SPRED2: variants seen among roughly 807,000 people sequenced by gnomAD.
SPRED2 encodes the protein sprouty related EVH1 domain containing 2.
In SPRED2, 47 loss-of-function variants were observed where a neutral mutation model predicts 43.0. The ratio of observed to expected loss-of-function variants is 1.09; its 90% confidence interval spans 0.87 to 1.40. The LOEUF is 1.40. Ranked by LOEUF, SPRED2 falls within the 40% of genes most tolerant of loss-of-function variation. The pLI, the probability that SPRED2 is intolerant of heterozygous loss-of-function variation, is 0.00. For missense variants in SPRED2, 561 were observed against 586.4 expected, an observed-to-expected ratio of 0.96 and a Z score of 0.45; for synonymous variants, 225 against 225.7, an observed-to-expected ratio of 1.00 and a Z score of 0.03.
chr2:65,332,544 G>T (rs369003922), intron 3 of SPRED2, among the ~76,000 whole-genome samples: 1 of 152,186 alleles, frequency 6.6e-6, no homozygotes, highest in East Asian at 1.9e-4. Context: ...TAGCTTGTAT[G>T]GTTGTGTCCA....
chr2:65,333,407 A>G (rs1673873616), intron 3 of SPRED2, among the ~76,000 whole-genome samples: 1 of 151,610 alleles, frequency 6.6e-6, no homozygotes, highest in Non-Finnish European at 1.5e-5. Context: ...GTTCTGTGCA[A>G]CTCCTACTGG....
chr2:65,377,379 G>A lies in SPRED2; in HGVS notation c.27-32483C>T, dbSNP rs377081166. Among the ~76,000 whole-genome samples, 17 of 152,276 alleles carry A rather than the reference G, an allele frequency of 1.1e-4. No homozygotes were observed. In the East Asian group the frequency reaches 1.9e-3, roughly 17 times the overall value. ...GGTCAGGATAATGAATGATGCATAC[G>A]TGGTAGCACTGGATTGGTATTTGTG... On this transcript the variant is annotated intron_variant, in intron 1 of 5. Transcript: ENST00000356388.
At chr2:65,400,182 CTTAAATAG>C (rs1461587756) in intron 1 of SPRED2, among the ~76,000 whole-genome samples, 5 of 152,138 alleles carry the variant, frequency 3.3e-5, no homozygotes, top group South Asian at 4.1e-4. Flanking sequence ...CTCAATCCTT[CTTAAATAG>C]TTATATGACA....
chr2:65,315,946 C>A (rs538494376), intron 5 of SPRED2, among the ~76,000 whole-genome samples: 69 of 152,372 alleles, frequency 4.5e-4, no homozygotes, highest in African/African-American at 1.5e-3. Flanking sequence ...GCATGAGCCA[C>A]TGCACCTGGC....
intron 1 of SPRED2, among the ~76,000 whole-genome samples, chr2:65,430,723 T>C (rs1572911899): frequency 6.6e-6 from 1 of 152,028 alleles, no homozygotes; most frequent in Non-Finnish European, 1.5e-5. Context: ...GCCAACCAGC[T>C]CTTTGCGCCC....
chr2:65,432,105 G>A lies in SPRED2; in HGVS notation c.-118C>T, dbSNP rs1668880428. On this transcript the variant is annotated 5_prime_UTR_variant, in exon 1 of 6. Coordinates refer to ENST00000356388, the MANE Select transcript of SPRED2 (RefSeq NM_181784.3). ...ATCGCCTGATTTGGGGAGGGGGGGC[G>A]GCTAGAGATGAAGAGGGCGCCGCAG... 1 of 1,349,444 alleles carries A rather than the reference G, an allele frequency of 7.4e-7. No individual in the cohort carries two copies. The highest frequency in any genetic ancestry group is 1.4e-5 in the African/African-American group (1 of 69,692). The allele number at this position is 1,349,444 out of a possible 1,614,324, so 83.6% of individuals were successfully genotyped here. A position where few individuals can be genotyped will look rare whatever the true frequency, so the allele number is the denominator to read the frequency against.
chr2:65,419,603 GTGTGTGTGTGTGTGTT>G (rs935555090), intron 1 of SPRED2, among the ~76,000 whole-genome samples: 5 of 151,486 alleles, frequency 3.3e-5, no homozygotes, highest in African/African-American at 9.7e-5. Context: ...GTGTGTGTGT[GTGTGTGTGTGTGTGTT>G]TATTAACTGT....
intron 1 of SPRED2, among the ~76,000 whole-genome samples, chr2:65,400,630 G>T (rs1675864376): frequency 6.6e-6 from 1 of 152,088 alleles, no homozygotes; most frequent in Non-Finnish European, 1.5e-5. Flanking sequence ...TGGGGTATGG[G>T]GGTTCTTCCC....
chr2:65,338,823 G>T (rs1415317925), intron 2 of SPRED2, among the ~76,000 whole-genome samples: 2 of 151,708 alleles, frequency 1.3e-5, no homozygotes, highest in African/African-American at 4.8e-5. Flanking sequence ...GAGCGTCTCT[G>T]CCCGGCCGCC....
At chr2:65,344,035 T>C (rs1028374313) in intron 2 of SPRED2, among the ~76,000 whole-genome samples, 3 of 149,270 alleles carry the variant, frequency 2.0e-5, no homozygotes, top group Admixed American at 6.8e-5. Context: ...TAGTCCCAGC[T>C]ACTCAGCAGG....
At chr2:65,335,002 T>G (rs894425545) in intron 2 of SPRED2, among the ~76,000 whole-genome samples, 3 of 152,218 alleles carry the variant, frequency 2.0e-5, no homozygotes, top group African/African-American at 7.2e-5. Flanking sequence ...CACTACACTC[T>G]CTTCATCACG....
intron 2 of SPRED2, among the ~76,000 whole-genome samples, chr2:65,339,214 T>C (rs1197470864): frequency 1.3e-5 from 2 of 150,382 alleles, no homozygotes; most frequent in Admixed American, 1.3e-4. Flanking sequence ...CACCACCCCG[T>C]CTGGGAGGTG....
At chr2:65,332,972 G>A (rs897297194) in intron 3 of SPRED2, among the ~76,000 whole-genome samples, 2 of 152,100 alleles carry the variant, frequency 1.3e-5, no homozygotes, top group Admixed American at 1.3e-4. Flanking sequence ...TATGCATTTA[G>A]AAAATATTTT....
chr2:65,391,195 TACACACACACACACAC>T (rs70943648), intron 1 of SPRED2, among the ~76,000 whole-genome samples: 8 of 145,640 alleles, frequency 5.5e-5, no homozygotes, highest in African/African-American at 1.8e-4. Flanking sequence ...CCTTAATGTG[TACACACACACACACAC>T]ACACACACAC....
At chr2:65,320,447 C>T (rs990067575) in intron 4 of SPRED2, among the ~76,000 whole-genome samples, 3 of 152,240 alleles carry the variant, frequency 2.0e-5, no homozygotes, top group African/African-American at 7.2e-5. Context: ...CATCCCACCT[C>T]CCCAGCCCTC....
chr2:65,419,434 T>G (rs1676366409), intron 1 of SPRED2, among the ~76,000 whole-genome samples: 1 of 152,194 alleles, frequency 6.6e-6, no homozygotes, highest in Non-Finnish European at 1.5e-5. Flanking sequence ...ACCCTCTGTG[T>G]ATTCATCCCT....
In SPRED2 at chr2:65,322,229, C is replaced by CCTCT. The variant is rs71905140; in HGVS notation, c.439-5350_439-5347dup. ...CACAAAAGATAGTTTGGTCTCCTTTCCTCTCTCTCTCTCTCTCTCTCTCTC... is the reference window on the plus strand; with the variant it reads ...CACAAAAGATAGTTTGGTCTCCTTTCCTCTCTCTCTCTCTCTCTCTCTCTCTCTC... On this transcript the variant is annotated intron_variant, in intron 4 of 5. Coordinates refer to ENST00000356388, the MANE Select transcript of SPRED2 (RefSeq NM_181784.3). Among the ~76,000 whole-genome samples the CCTCT allele has an allele frequency of 9.6e-3, 585 of 61,246 alleles. 2 individuals are homozygous for CCTCT. The highest frequency in any genetic ancestry group is 0.012 in the Non-Finnish European group (439 of 35,876). 40.2% of individuals were successfully genotyped at this position (61,246 alleles called of 152,430 possible). A position where few individuals can be genotyped will look rare whatever the true frequency, so the allele number is the denominator to read the frequency against.
chr2:65,334,328 A>C (rs1272180702), intron 3 of SPRED2: 3 of 540,908 alleles, frequency 5.5e-6, no homozygotes, highest in Admixed American at 4.5e-5. Flanking sequence ...AAGCAGTCAA[A>C]AATACATGCA....
At position 65,356,558 on chromosome 2, in the gene SPRED2, TG is replaced by T. The variant is rs138918382; in HGVS notation, c.27-11663del. 1.4e-4 allele frequency among the ~76,000 whole-genome samples: 16 copies of T among 114,816 alleles called. No homozygotes were observed. In the South Asian group the frequency reaches 3.8e-3, roughly 27 times the overall value. 75.3% of individuals were successfully genotyped at this position (114,816 alleles called of 152,430 possible). ...CCTCTTTTTTTTTTTTTTTTTTTTT[TG>T]TGTGTGTGTACCTGCTATCTACCAC... On this transcript the variant is annotated intron_variant, in intron 1 of 5. Coordinates refer to ENST00000356388, the MANE Select transcript of SPRED2 (RefSeq NM_181784.3).
Sources: gnomAD v4.1 joint callset for allele counts (sites outside exome capture counted in the v4.1 genomes callset) on GRCh38, gnomAD v4.1.1 for gene constraint, MANE v1.5 for transcripts, NCBI Gene and HGNC (gene_info 2026-07-23, HGNC 2026-07-21) for gene names.